Variants in EPB41 observed in about 807,000 individuals in gnomAD.
EPB41 encodes erythrocyte membrane protein band 4.1.
Under a neutral mutation model 108.0 loss-of-function variants are expected in EPB41, and 65 were observed. The observed-to-expected ratio is 0.60, with a 90% confidence interval of 0.49 to 0.74. The LOEUF (loss-of-function observed/expected upper bound fraction) is 0.74. EPB41 is among the 30% of genes least tolerant of loss of function. The pLI is 0.00. For synonymous variants in EPB41, 336 were observed against 358.9 expected, an observed-to-expected ratio of 0.94 and a Z score of 0.72; for missense variants, 875 against 1,037.0, an observed-to-expected ratio of 0.84 and a Z score of 2.15.
chr1:28,890,477 C>T (rs1010525420), intron 1 of EPB41, among the ~76,000 whole-genome samples: 8 of 152,222 alleles, frequency 5.3e-5, no homozygotes, highest in East Asian at 3.9e-4. Flanking sequence ...GGTCTTCCAG[C>T]GCCTATTACT....
rs1341836071 is a variant in EPB41 at position 29,033,084 on chromosome 1, C to G, written c.1213-9C>G. 5.6e-6 allele frequency: 9 copies of G among 1,613,448 alleles called. No homozygotes were observed. The highest frequency in any genetic ancestry group is 7.6e-6 in the Non-Finnish European group (9 of 1,179,770). On this transcript the variant is annotated splice_polypyrimidine_tract_variant and intron_variant, in intron 8 of 20. Coordinates refer to ENST00000343067, the MANE Select transcript of EPB41 (RefSeq NM_001376013.1). ...TCCAGACTGAAATCCTAACATTTTT[C>G]TTTTTCAGGACTTGGAAGGAGTAGA...
At chr1:29,024,500 G>T (rs1405962630) in intron 7 of EPB41, among the ~76,000 whole-genome samples, 2 of 151,556 alleles carry the variant, frequency 1.3e-5, no homozygotes, top group African/African-American at 4.9e-5. Flanking sequence ...GGGCTTGGTG[G>T]CACGCGCCTG....
chr1:29,067,658 C>T (rs1184252740), intron 16 of EPB41, among the ~76,000 whole-genome samples: 2 of 101,274 alleles, frequency 2.0e-5, no homozygotes, highest in African/African-American at 7.9e-5. Flanking sequence ...CGGCAAGACT[C>T]CGTCTTAAAA....
chr1:29,069,087 T>C (rs913661713), intron 16 of EPB41: 8 of 1,068,142 alleles, frequency 7.5e-6, no homozygotes, highest in Non-Finnish European at 8.3e-6. Flanking sequence ...GTTGTCTTTC[T>C]TCTCCCACTT....
intron 1 of EPB41, among the ~76,000 whole-genome samples, chr1:28,915,096 A>G (rs1167819711): frequency 2.6e-5 from 4 of 152,078 alleles, no homozygotes; most frequent in Non-Finnish European, 5.9e-5. Context: ...GGTGTGCAGG[A>G]GCCTCGGGAG....
intron 1 of EPB41, among the ~76,000 whole-genome samples, chr1:28,984,668 T>A (rs1192137203): frequency 6.6e-6 from 1 of 151,868 alleles, no homozygotes; most frequent in East Asian, 1.9e-4. Flanking sequence ...AGGTTTTTTT[T>A]TTTTTTTGAG....
chr1:29,075,254 G>T (rs1653505421), intron 16 of EPB41, among the ~76,000 whole-genome samples: 1 of 151,794 alleles, frequency 6.6e-6, no homozygotes, highest in East Asian at 1.9e-4. Context: ...GAGGTGGGCA[G>T]ATCTCCTGAG....
At chr1:29,096,006 T>C in intron 16 of EPB41, 2 of 350,686 alleles carry the variant, frequency 5.7e-6, no homozygotes, top group Non-Finnish European at 8.0e-6. Flanking sequence ...ACAGCAGCTC[T>C]TCCTTTTGAC....
intron 1 of EPB41, among the ~76,000 whole-genome samples, chr1:28,938,883 A>G (rs1276754227): frequency 2.6e-5 from 4 of 152,076 alleles, no homozygotes; most frequent in African/African-American, 9.7e-5. Context: ...TTTTGTGTGG[A>G]TTCCTTAGAA....
chr1:29,078,320 A>G (rs971603378), intron 16 of EPB41, among the ~76,000 whole-genome samples: 1 of 152,180 alleles, frequency 6.6e-6, no homozygotes, highest in African/African-American at 2.4e-5. Flanking sequence ...CTGCCTTTGT[A>G]CTGTTTTGGA....
chr1:29,107,065 C>A (rs935812877), intron 17 of EPB41, among the ~76,000 whole-genome samples: 1 of 151,920 alleles, frequency 6.6e-6, no homozygotes, highest in African/African-American at 2.4e-5. Context: ...CGCCTGTAAT[C>A]CCAGCTACTT....
At chr1:28,916,547 G>A (rs1325264517) in intron 1 of EPB41, among the ~76,000 whole-genome samples, 2 of 152,180 alleles carry the variant, frequency 1.3e-5, no homozygotes, top group African/African-American at 4.8e-5. Flanking sequence ...GGAGGCAGGA[G>A]AATCGCTTGA....
intron 1 of EPB41, among the ~76,000 whole-genome samples, chr1:28,968,976 A>C (rs77746605): frequency 0.12 from 6,506 of 53,682 alleles, 291 homozygotes; most frequent in East Asian, 0.53. Flanking sequence ...AAAACCCCCC[A>C]CCCCCCAAAA....
At chr1:29,000,504 CAA>C (rs1178216006) in intron 4 of EPB41, among the ~76,000 whole-genome samples, 1 of 152,192 alleles carries the variant, frequency 6.6e-6, no homozygotes, top group East Asian at 1.9e-4. Context: ...AGCTTAATAA[CAA>C]AGTACAAACC....
At chr1:28,929,194 T>A (rs1051154332) in intron 1 of EPB41, among the ~76,000 whole-genome samples, 4 of 152,122 alleles carry the variant, frequency 2.6e-5, no homozygotes, top group African/African-American at 9.7e-5. Flanking sequence ...ATACATGCTG[T>A]GACCTTGGCC....
intron 4 of EPB41, among the ~76,000 whole-genome samples, chr1:29,000,693 G>A (rs1281202527): frequency 6.6e-6 from 1 of 152,128 alleles, no homozygotes; most frequent in African/African-American, 2.4e-5. Context: ...TCAGGGCATC[G>A]ACAGGTCTGT....
At chr1:29,050,974 T>C (rs986484089) in intron 11 of EPB41, among the ~76,000 whole-genome samples, 5 of 150,908 alleles carry the variant, frequency 3.3e-5, no homozygotes, top group Non-Finnish European at 5.9e-5. Context: ...CACGCCTGGC[T>C]GATAAAGGGG....
chr1:28,902,102 G>T, intron 1 of EPB41: 1 of 894,234 alleles, frequency 1.1e-6, no homozygotes, highest in Non-Finnish European at 1.3e-6. Context: ...ACTATATGAA[G>T]CCTGTTCTCT....
Position 28,993,385 on chromosome 1 carries a change from G to T in EPB41, c.524G>T (p.Gly175Val). Residue 175 changes from glycine to valine, a missense_variant, in exon 3 of 21, where the codon GGA becomes GTA. Physicochemically the swap from Gly to Val is moderately radical, Grantham distance 109 (BLOSUM62 -3). Around this residue, in one of 3 missense-constraint regions of EPB41, gnomAD observed 353 missense variants for 393.2 expected, o/e 0.90. Transcript: ENST00000343067. ...GATTTTGAAATTAAGGAAGGAGAAG[G>T]ACTTGAAGAGTGCTCCAAAATAGAA... is the stretch of plus-strand genomic sequence containing the variant. ...DPDFEIKEGE[G>V]LEECSKIEVK... 6.2e-7 allele frequency: 1 copy of T among 1,613,662 alleles called. No individual in the cohort carries two copies. Among genetic ancestry groups the T allele is most frequent in the Non-Finnish European group, 8.5e-7 (1 of 1,180,000 alleles).
Sources: gnomAD v4.1 joint callset for allele counts (sites outside exome capture counted in the v4.1 genomes callset) on GRCh38, gnomAD v4.1.1 for gene constraint, gnomAD v4.1.1 regional missense constraint, MANE v1.5 for transcripts, NCBI Gene and HGNC (gene_info 2026-07-23, HGNC 2026-07-21) for gene names.